MOSMO: variants seen among roughly 807,000 people sequenced by gnomAD.
MOSMO encodes modulator of smoothened.
In MOSMO, 5 loss-of-function variants were observed where a neutral mutation model predicts 18.4. That is an observed-to-expected ratio of 0.27 (90% confidence interval 0.14 to 0.57). MOSMO has a LOEUF of 0.57. MOSMO is among the 20% of genes least tolerant of loss of function. The pLI is 0.92. For missense variants in MOSMO, 138 were observed against 211.8 expected (o/e 0.65, Z 2.16); for synonymous variants, 82 against 82.3 (o/e 1.00, Z 0.02).
At chr16:22,015,211 TAAACTTA>T (rs1899613025) in intron 1 of MOSMO, among the ~76,000 whole-genome samples, 1 of 152,136 alleles carries the variant, frequency 6.6e-6, no homozygotes. Context: ...ACAGGCTTCT[TAAACTTA>T]GCATAATGTT....
In MOSMO at chr16:22,083,884, TG is replaced by T. The variant is rs1901126431; in HGVS notation, c.*3005del. On this transcript the variant is annotated 3_prime_UTR_variant, in exon 3 of 3. Transcript: ENST00000542527. ...CTTTCCAAAGGTAATCCATGTTCTA[TG>T]TTGTTAATGTGTGTATGTAATTTTT... 2 of 336,374 alleles carry T rather than the reference TG, an allele frequency of 5.9e-6. No individual in the cohort carries two copies. Among genetic ancestry groups the T allele is most frequent in the African/African-American group, 4.4e-5 (2 of 45,862 alleles). 20.8% of individuals were successfully genotyped at this position (336,374 alleles called of 1,614,324 possible). A position where few individuals can be genotyped will look rare whatever the true frequency, so the allele number is the denominator to read the frequency against.
intron 1 of MOSMO, among the ~76,000 whole-genome samples, chr16:22,012,561 A>G (rs1406876871): frequency 6.6e-6 from 1 of 152,114 alleles, no homozygotes; most frequent in African/African-American, 2.4e-5. Flanking sequence ...TCTCTATTAG[A>G]TGTTCTAGGA....
intron 1 of MOSMO, among the ~76,000 whole-genome samples, chr16:22,055,229 A>G (rs1900508979): frequency 6.6e-6 from 1 of 152,100 alleles, no homozygotes; most frequent in Non-Finnish European, 1.5e-5. Flanking sequence ...TGGTCACCTT[A>G]GTCAACACAC....
intron 2 of MOSMO, among the ~76,000 whole-genome samples, chr16:22,077,918 T>G (rs1157850502): frequency 6.6e-6 from 1 of 152,120 alleles, no homozygotes; most frequent in Non-Finnish European, 1.5e-5. Flanking sequence ...CCCTAGTGTT[T>G]CCACTCCACC....
chr16:22,037,110 C>T (rs1342744858), intron 1 of MOSMO, among the ~76,000 whole-genome samples: 1 of 152,042 alleles, frequency 6.6e-6, no homozygotes, highest in Non-Finnish European at 1.5e-5. Context: ...AAGCTAGACT[C>T]AAGAGGAAAA....
At chr16:22,034,951 C>T (rs894066933) in intron 1 of MOSMO, among the ~76,000 whole-genome samples, 2 of 151,694 alleles carry the variant, frequency 1.3e-5, no homozygotes, top group African/African-American at 4.8e-5. Context: ...CCAGGCTGGT[C>T]TCAAACTCCT....
At chr16:22,079,585 A>G (rs1048438925) in intron 2 of MOSMO, among the ~76,000 whole-genome samples, 1 of 151,738 alleles carries the variant, frequency 6.6e-6, no homozygotes, top group Admixed American at 6.6e-5. Flanking sequence ...CAAATAATAT[A>G]CTCCTTTGTG....
chr16:22,048,517 T>C (rs1170026205), intron 1 of MOSMO, among the ~76,000 whole-genome samples: 1 of 152,184 alleles, frequency 6.6e-6, no homozygotes, highest in Non-Finnish European at 1.5e-5. Flanking sequence ...CCAAAAATGG[T>C]ATTTTGTCTT....
chr16:22,008,386 A>C lies in MOSMO; in HGVS notation c.85A>C (p.Ile29Leu). 6.5e-7 allele frequency: 1 copy of C among 1,532,734 alleles called. No individual in the cohort carries two copies. Among genetic ancestry groups the C allele is most frequent in the African/African-American group, 1.4e-5 (1 of 72,634 alleles). 94.9% of individuals were successfully genotyped at this position (1,532,734 alleles called of 1,614,324 possible). Residue 29 changes from isoleucine (I) to leucine (L), a missense_variant, in exon 1 of 3, where the codon ATC becomes CTC. Coordinates refer to ENST00000542527, the MANE Select transcript of MOSMO (RefSeq NM_001164579.2). ...CGCCAGCATCGCCAACCCGGACTGG[A>C]TCAACACCGGGGAGTCTGCGGGTGA... ...AIASIANPDW[I>L]NTGESAGALT...
intron 1 of MOSMO, among the ~76,000 whole-genome samples, chr16:22,034,744 G>GTTTT (rs890874059): frequency 2.9e-4 from 16 of 55,468 alleles, no homozygotes; most frequent in Non-Finnish European, 3.6e-4. Context: ...GTTTTTTTGG[G>GTTTT]TTTTTTTTTT....
intron 1 of MOSMO, among the ~76,000 whole-genome samples, chr16:22,058,864 T>C (rs948244624): frequency 1.3e-5 from 2 of 152,196 alleles, no homozygotes; most frequent in African/African-American, 2.4e-5. Flanking sequence ...TTTTAGGTGA[T>C]AATTGAATCA....
rs920275545 is a variant in MOSMO at position 22,071,035 on chromosome 16, G to A, written c.107-4452G>A. On this transcript the variant is annotated intron_variant, in intron 1 of 2. Coordinates refer to ENST00000542527, the MANE Select transcript of MOSMO (RefSeq NM_001164579.2). ...CCCTCGCTCAAATACAAATGCTCTT[G>A]GGAAAGGCAGTATGTTAAGCTTTTA... Among the ~76,000 whole-genome samples the A allele has an allele frequency of 6.6e-5, 10 of 152,274 alleles. No homozygotes were observed. The South Asian group carries it at 1.9e-3, about 28-fold the overall frequency.
chr16:22,055,960 C>G (rs1373353979), intron 1 of MOSMO, among the ~76,000 whole-genome samples: 7 of 152,326 alleles, frequency 4.6e-5, no homozygotes, highest in Admixed American at 3.3e-4. Flanking sequence ...AGTAGTTAGG[C>G]AGCCTTACTG....
intron 2 of MOSMO, among the ~76,000 whole-genome samples, chr16:22,079,267 G>A (rs989109610): frequency 1.3e-5 from 2 of 152,142 alleles, no homozygotes; most frequent in African/African-American, 4.8e-5. Context: ...AGGTGAAAAC[G>A]CATTCAGTTA....
At chr16:22,018,762 G>A (rs562412810) in intron 1 of MOSMO, among the ~76,000 whole-genome samples, 6 of 152,130 alleles carry the variant, frequency 3.9e-5, no homozygotes, top group Non-Finnish European at 8.8e-5. Flanking sequence ...ATAGGATCAG[G>A]CAATCAGAGA....
chr16:22,075,349 G>A lies in MOSMO; in HGVS notation c.107-138G>A, dbSNP rs756700083. The A allele has an allele frequency of 7.9e-5, 57 of 723,814 alleles. No individual in the cohort carries two copies. In the African/African-American group the frequency reaches 9.0e-4, roughly 11 times the overall value. 44.8% of individuals were successfully genotyped at this position (723,814 alleles called of 1,614,324 possible). A position where few individuals can be genotyped will look rare whatever the true frequency, so the allele number is the denominator to read the frequency against. On this transcript the variant is annotated intron_variant, in intron 1 of 2. Coordinates refer to ENST00000542527, the MANE Select transcript of MOSMO (RefSeq NM_001164579.2). ...TACGTTATGAACTACAGCAGATGCT[G>A]AAGAGTAGGACTTAGGATGTGCTTG...
intron 1 of MOSMO, among the ~76,000 whole-genome samples, chr16:22,018,130 C>T (rs1426653911): frequency 6.6e-6 from 1 of 152,002 alleles, no homozygotes; most frequent in African/African-American, 2.4e-5. Context: ...CATTTTGACA[C>T]TTGCCGTTGT....
At chr16:22,018,443 T>G (rs935890057) in intron 1 of MOSMO, among the ~76,000 whole-genome samples, 5 of 152,190 alleles carry the variant, frequency 3.3e-5, no homozygotes, top group Admixed American at 3.3e-4. Context: ...TTAAGGCCAC[T>G]TAGACTGTCA....
chr16:22,012,455 A>G (rs1899551733), intron 1 of MOSMO, among the ~76,000 whole-genome samples: 1 of 152,190 alleles, frequency 6.6e-6, no homozygotes, highest in Non-Finnish European at 1.5e-5. Context: ...GCTCAATAAA[A>G]ATTACATATT....
Sources: allele counts gnomAD v4.1 joint callset (sites outside exome capture counted in the v4.1 genomes callset), GRCh38; gene constraint gnomAD v4.1.1; transcripts MANE v1.5; gene names NCBI Gene and HGNC (gene_info 2026-07-23, HGNC 2026-07-21).